AKAP7: variants seen among roughly 807,000 people sequenced by gnomAD.
AKAP7 encodes A-kinase anchoring protein 7, also known as A kinase (PRKA) anchor protein 7.
In AKAP7, 39 loss-of-function variants were observed where a neutral mutation model predicts 39.5. The ratio of observed to expected loss-of-function variants is 0.99; its 90% CI spans 0.76 to 1.29. The LOEUF is 1.29. AKAP7 is among the 50% of genes most tolerant of loss of function. The probability of loss-of-function intolerance (pLI) is 0.00; values close to 1 mark genes in which losing one functional copy is unlikely to be tolerated. For missense variants in AKAP7, 414 were observed against 407.7 expected (o/e 1.02, Z -0.13); for synonymous variants, 140 against 139.1 (o/e 1.01, Z -0.05).
chr6:131,160,197 A>G lies in AKAP7; in HGVS notation c.290A>G (p.Glu97Gly). 6.3e-7 allele frequency: 1 copy of G among 1,596,584 alleles called. No homozygotes were observed. Among genetic ancestry groups the G allele is most frequent in the Non-Finnish European group, 8.5e-7 (1 of 1,176,290 alleles). ...YFLSIPITNK[E>G]IIKGIKILQN... ...CTGTCCATTCCAATCACCAACAAAG[A>G]GGTGCTATTTTTAAAAAGTTATTTT... is the stretch of plus-strand genomic sequence containing the variant. The change falls in exon 3 of 8, where the codon GAG (glutamate) becomes GGG (glycine). Residue 97 changes from glutamate (E) to glycine (G), a missense_variant and splice_region_variant. By Grantham distance (98) the Glu-to-Gly change is moderately conservative (BLOSUM62 -2). Coordinates refer to ENST00000431975, the MANE Select transcript of AKAP7 (RefSeq NM_016377.4).
At chr6:131,229,880 T>C (rs1810496522) in intron 7 of AKAP7, among the ~76,000 whole-genome samples, 1 of 152,174 alleles carries the variant, frequency 6.6e-6, no homozygotes, top group Non-Finnish European at 1.5e-5. Flanking sequence ...GGGGGTGATA[T>C]TAATTAATGT....
upstream of AKAP7, among the ~76,000 whole-genome samples, chr6:131,133,522 C>T (rs1800372209): frequency 6.6e-6 from 1 of 152,162 alleles, no homozygotes; most frequent in South Asian, 2.1e-4. Context: ...TGTTCCTCCA[C>T]ATGGTAGGTG....
At chr6:131,136,861 T>C in intron 1 of AKAP7, 9 of 985,396 alleles carry the variant, frequency 9.1e-6, no homozygotes, top group Non-Finnish European at 1.1e-5. Flanking sequence ...CTAATACTAT[T>C]TTTAGTAGCT....
chr6:131,177,169 T>C (rs1804660128), intron 5 of AKAP7, among the ~76,000 whole-genome samples: 1 of 152,222 alleles, frequency 6.6e-6, no homozygotes, highest in African/African-American at 2.4e-5. Flanking sequence ...TCTTATTAAA[T>C]ATCAATTTCA....
chr6:131,273,971 G>T (rs558093411), intron 7 of AKAP7, among the ~76,000 whole-genome samples: 1 of 143,208 alleles, frequency 7.0e-6, no homozygotes, highest in Non-Finnish European at 1.5e-5. Context: ...ATGGAGTCTC[G>T]CACTGTCGCC....
chr6:131,164,314 T>G, intron 3 of AKAP7: 2 of 453,066 alleles, frequency 4.4e-6, no homozygotes. Flanking sequence ...TACTTTCAAA[T>G]GTACTCACAT....
At chr6:131,167,062 G>A (rs1023539051) in intron 4 of AKAP7, among the ~76,000 whole-genome samples, 10 of 152,160 alleles carry the variant, frequency 6.6e-5, no homozygotes, top group African/African-American at 1.9e-4. Flanking sequence ...CTGCTGATTT[G>A]AAAAGACTTA....
intron 7 of AKAP7, among the ~76,000 whole-genome samples, chr6:131,257,034 G>A (rs1345105965): frequency 1.3e-5 from 2 of 152,084 alleles, no homozygotes; most frequent in East Asian, 3.9e-4. Context: ...TGCACTTTTG[G>A]TTCTGACATT....
intron 7 of AKAP7, among the ~76,000 whole-genome samples, chr6:131,226,227 G>C (rs987155843): frequency 6.6e-6 from 1 of 152,226 alleles, no homozygotes; most frequent in Non-Finnish European, 1.5e-5. Context: ...CCTCCTGCCA[G>C]CTGTTGCCTG....
At chr6:131,203,289 C>A (rs767533052) in intron 6 of AKAP7, among the ~76,000 whole-genome samples, 1 of 152,046 alleles carries the variant, frequency 6.6e-6, no homozygotes, top group Non-Finnish European at 1.5e-5. Flanking sequence ...TTTCTTCTCT[C>A]GGCACTAATT....
intron 6 of AKAP7, among the ~76,000 whole-genome samples, chr6:131,211,000 A>G (rs923190490): frequency 6.6e-6 from 1 of 152,158 alleles, no homozygotes; most frequent in Non-Finnish European, 1.5e-5. Flanking sequence ...AGCTGAATGG[A>G]TAGGGAAATC....
chr6:131,200,499 AT>A (rs936605215), intron 6 of AKAP7, among the ~76,000 whole-genome samples: 1 of 150,480 alleles, frequency 6.6e-6, no homozygotes, highest in Admixed American at 6.6e-5. Flanking sequence ...AGTAAGTAGA[AT>A]TTTTTTTTTC....
intron 2 of AKAP7, among the ~76,000 whole-genome samples, chr6:131,159,276 G>A (rs1802712874): frequency 1.3e-5 from 2 of 151,952 alleles, no homozygotes; most frequent in Non-Finnish European, 2.9e-5. Flanking sequence ...TATATTTTTA[G>A]TAGAGACGAG....
At chr6:131,243,340 C>T (rs778486701) in intron 7 of AKAP7, among the ~76,000 whole-genome samples, 3 of 152,110 alleles carry the variant, frequency 2.0e-5, no homozygotes, top group Admixed American at 1.3e-4. Context: ...GATATTTAAA[C>T]GATAGTTCTG....
intron 7 of AKAP7, among the ~76,000 whole-genome samples, chr6:131,227,206 A>G (rs960519180): frequency 7.9e-5 from 12 of 152,236 alleles, no homozygotes; most frequent in Admixed American, 6.5e-5. Context: ...AATTGTCTTC[A>G]TTGCTTTAAT....
Position 131,225,313 on chromosome 6 carries a change from G to A in AKAP7, c.850+5505G>A, listed in dbSNP as rs371458083. ...CCCCTCAGAAGCCCATGTGGGTTTT[G>A]TGGTTGTCACAGCCCTGGTCCCACA... On this transcript the variant is annotated intron_variant, in intron 7 of 7. Coordinates refer to ENST00000431975, the MANE Select transcript of AKAP7 (RefSeq NM_016377.4). Among the ~76,000 whole-genome samples the A allele has an allele frequency of 9.9e-5, 15 of 152,050 alleles. No homozygotes were observed. The East Asian group carries it at 1.9e-3, about 20-fold the overall frequency.
intron 3 of AKAP7, among the ~76,000 whole-genome samples, chr6:131,160,544 A>C (rs1035131296): frequency 1.3e-5 from 2 of 152,214 alleles, no homozygotes; most frequent in Non-Finnish European, 2.9e-5. Context: ...AATTTTGCAA[A>C]ATCCACTTGA....
At chr6:131,176,658 C>A (rs1804613473) in intron 5 of AKAP7, among the ~76,000 whole-genome samples, 1 of 152,016 alleles carries the variant, frequency 6.6e-6, no homozygotes. Context: ...TTCATTTGAA[C>A]ATTATGCTTT....
chr6:131,277,056 A>G (rs1814803152), intron 7 of AKAP7, among the ~76,000 whole-genome samples: 1 of 152,184 alleles, frequency 6.6e-6, no homozygotes, highest in Non-Finnish European at 1.5e-5. Context: ...TATCCCTGCA[A>G]TGATTTGGTA....
Sources: allele counts gnomAD v4.1 joint callset (sites outside exome capture counted in the v4.1 genomes callset), GRCh38; gene constraint gnomAD v4.1.1; transcripts MANE v1.5; gene names NCBI Gene and HGNC (gene_info 2026-07-23, HGNC 2026-07-21).